The following SUGCT variants were observed in gnomAD, a reference collection of about 807,000 sequenced individuals.
SUGCT encodes succinyl-CoA:glutarate-CoA transferase.
In SUGCT, 41 loss-of-function variants were observed where a neutral mutation model predicts 55.0. The observed-to-expected ratio is 0.74, with a 90% confidence interval of 0.58 to 0.97. The LOEUF (loss-of-function observed/expected upper bound fraction) is 0.97. SUGCT is among the 50% of genes least tolerant of loss of function. The pLI is 0.00. For missense variants in SUGCT, 568 were observed against 547.8 expected, an observed-to-expected ratio of 1.04 and a Z score of -0.37; for synonymous variants, 187 against 200.4, an observed-to-expected ratio of 0.93 and a Z score of 0.56.
At chr7:40,959,333 C>A in the SUGCT span, among the ~76,000 whole-genome samples, 1 of 152,206 alleles carries the variant, frequency 6.6e-6, no homozygotes, top group South Asian at 2.1e-4. Flanking sequence ...CCCCTGACTG[C>A]GGCTGCTGCC....
the SUGCT span, among the ~76,000 whole-genome samples, chr7:41,015,656 G>C: frequency 3.3e-5 from 5 of 152,264 alleles, no homozygotes; most frequent in South Asian, 1.0e-3. Flanking sequence ...GCTATTTGTA[G>C]TCAACTGCAT....
intron 9 of SUGCT, among the ~76,000 whole-genome samples, chr7:40,415,061 A>ATCC (rs59583043): frequency 1.6e-5 from 1 of 63,586 alleles, no homozygotes; most frequent in African/African-American, 7.0e-5. Flanking sequence ...AAAAAAAAAA[A>ATCC]ATCTATCTAT....
chr7:40,683,714 C>T (rs116216454), intron 12 of SUGCT, among the ~76,000 whole-genome samples: 216 of 152,280 alleles, frequency 1.4e-3, no homozygotes, highest in African/African-American at 5.1e-3. Flanking sequence ...GTTTATTGAG[C>T]ATATTAAGTG....
intron 7 of SUGCT, among the ~76,000 whole-genome samples, chr7:40,238,977 T>A (rs1789188593): frequency 6.6e-6 from 1 of 152,060 alleles, no homozygotes; most frequent in Non-Finnish European, 1.5e-5. Flanking sequence ...CCAGCTACCA[T>A]GACCAGCTAA....
intron 11 of SUGCT, 98 bp downstream of exon 11, chr7:40,459,296 A>G (rs1173500565): frequency 1.3e-6 from 1 of 768,934 alleles, no homozygotes; most frequent in Non-Finnish European, 2.0e-6. Flanking sequence ...TTTGAGATCA[A>G]TTTGTAATTC....
At chr7:40,445,563 C>G (rs569818809) in intron 9 of SUGCT, among the ~76,000 whole-genome samples, 3 of 152,160 alleles carry the variant, frequency 2.0e-5, no homozygotes, top group Non-Finnish European at 4.4e-5. Context: ...AATTCTACCA[C>G]AGGTACAAAG....
chr7:40,171,308 A>G (rs1222789187), intron 1 of SUGCT, among the ~76,000 whole-genome samples: 1 of 152,230 alleles, frequency 6.6e-6, no homozygotes. Context: ...GCCTGAGTGT[A>G]AACAGCTCAC....
chr7:40,506,027 G>T (rs1792570062), intron 12 of SUGCT, among the ~76,000 whole-genome samples: 1 of 152,050 alleles, frequency 6.6e-6, no homozygotes, highest in African/African-American at 2.4e-5. Context: ...TCAATCAAGA[G>T]AAGAAATATT....
chr7:40,771,428 T>A (rs1325997515), intron 13 of SUGCT, among the ~76,000 whole-genome samples: 1 of 151,958 alleles, frequency 6.6e-6, no homozygotes, highest in Non-Finnish European at 1.5e-5. Flanking sequence ...TTTTCTAGCA[T>A]TTTTTTTCTA....
intron 13 of SUGCT, among the ~76,000 whole-genome samples, chr7:40,827,503 A>G (rs925207124): frequency 8.5e-5 from 13 of 152,180 alleles, no homozygotes; most frequent in Admixed American, 5.9e-4. Context: ...ACCAGCTCCA[A>G]TCTGCTTCTG....
rs954473626 is a variant in SUGCT, at chr7:40,274,705, G to A, written c.720+49G>A. On this transcript the variant is annotated intron_variant, in intron 8 of 13. Coordinates refer to ENST00000335693, the MANE Select transcript of SUGCT (RefSeq NM_001193313.2). ...GATAATGTTATAAAAACTGTGTCTGGGTTATACCTTTTCAGATCAAATTCT... is the reference window on the plus strand; with the variant it reads ...GATAATGTTATAAAAACTGTGTCTGAGTTATACCTTTTCAGATCAAATTCT... The A allele has an allele frequency of 5.7e-6, 9 of 1,571,436 alleles. No homozygotes were observed. The African/African-American group carries it at 1.1e-4, about 19-fold the overall frequency.
At chr7:40,897,112 T>C in the SUGCT span, among the ~76,000 whole-genome samples, 4 of 152,174 alleles carry the variant, frequency 2.6e-5, no homozygotes, top group Non-Finnish European at 4.4e-5. Context: ...GGGGAAAAGA[T>C]AGTCTCTTCA....
intron 3 of SUGCT, among the ~76,000 whole-genome samples, chr7:40,187,324 T>C (rs1167367908): frequency 6.6e-6 from 1 of 151,982 alleles, no homozygotes; most frequent in Non-Finnish European, 1.5e-5. Context: ...TTAGGAGATA[T>C]ACCTAATGTT....
At chr7:40,617,004 AC>A (rs1298833686) in intron 12 of SUGCT, among the ~76,000 whole-genome samples, 1 of 152,154 alleles carries the variant, frequency 6.6e-6, no homozygotes, top group Non-Finnish European at 1.5e-5. Flanking sequence ...CATAATTATG[AC>A]TTTTTTCATA....
the SUGCT span, among the ~76,000 whole-genome samples, chr7:40,976,321 A>G: frequency 6.6e-6 from 1 of 152,310 alleles, no homozygotes; most frequent in African/African-American, 2.4e-5. Flanking sequence ...GAGGTATCCC[A>G]GTTCTTAGCT....
At position 40,769,994 on chromosome 7, in the gene SUGCT, A is replaced by G. The variant is rs1442294208; in HGVS notation, c.1153+20497A>G. Among the ~76,000 whole-genome samples, 3 of 152,122 alleles carry G rather than the reference A, an allele frequency of 2.0e-5. No individual in the cohort carries two copies. The East Asian group carries it at 5.8e-4, about 29-fold the overall frequency. On this transcript the variant is annotated intron_variant, in intron 13 of 13. Coordinates refer to ENST00000335693, the MANE Select transcript of SUGCT (RefSeq NM_001193313.2). ...ATAACATTATTTCTCCTTTATTTAA[A>G]TATGCATTTGATTTTTATGCATTTC...
chr7:40,331,238 G>T lies in SUGCT; in HGVS notation c.816+14383G>T, dbSNP rs116616918. 4.9e-3 allele frequency among the ~76,000 whole-genome samples: 748 copies of T among 152,272 alleles called. 8 individuals are homozygous for T. The highest frequency in any genetic ancestry group is 0.017 in the African/African-American group (710 of 41,558). On this transcript the variant is annotated intron_variant, in intron 9 of 13. Coordinates refer to ENST00000335693, the MANE Select transcript of SUGCT (RefSeq NM_001193313.2). ...ATGCCCATTCCTATTCTTAGGCACA[G>T]TCTAAACATCTACTTCTTCAGTGAT...
chr7:41,029,316 T>A, the SUGCT span, among the ~76,000 whole-genome samples: 1 of 152,178 alleles, frequency 6.6e-6, no homozygotes, highest in Non-Finnish European at 1.5e-5. Flanking sequence ...TGAAAATTCT[T>A]AGTCACATAT....
chr7:40,783,342 A>C (rs1414923557), intron 13 of SUGCT, among the ~76,000 whole-genome samples: 1 of 152,220 alleles, frequency 6.6e-6, no homozygotes, highest in Non-Finnish European at 1.5e-5. Context: ...CCCCACAGGC[A>C]AATTAGCTTT....
Sources: allele counts gnomAD v4.1 joint callset (sites outside exome capture counted in the v4.1 genomes callset), GRCh38; gene constraint gnomAD v4.1.1; transcripts MANE v1.5; gene names NCBI Gene and HGNC (gene_info 2026-07-23, HGNC 2026-07-21).